The following CAPN13 variants were observed in gnomAD, a reference collection of about 807,000 sequenced individuals.
The protein encoded by CAPN13 is calpain 13, also known as calpain-13.
In CAPN13, 90 loss-of-function variants were observed where a neutral mutation model predicts 98.4. The observed-to-expected ratio is 0.92, with a 90% CI of 0.77 to 1.09. The LOEUF (loss-of-function observed/expected upper bound fraction) is 1.09, where lower values mean the gene tolerates loss of function less well. Among genes scored for constraint, CAPN13 ranks in the 50% least tolerant of loss-of-function variants. The pLI, the probability that CAPN13 is intolerant of heterozygous loss-of-function variation, is 0.00. For synonymous variants in CAPN13, 330 were observed against 305.5 expected (o/e 1.08, Z -0.84); for missense variants, 887 against 841.3 (o/e 1.05, Z -0.67).
In CAPN13 at chr2:30,763,140, T is replaced by C. The variant is rs139514952; in HGVS notation, c.716A>G (p.Gln239Arg). 7.8e-5 allele frequency: 125 copies of C among 1,611,254 alleles called. No homozygotes were observed. In the African/African-American group the frequency reaches 1.2e-3, roughly 16 times the overall value. Residue 239 changes from glutamine to arginine, a missense_variant, in exon 7 of 23, where the codon CAG becomes CGG. Transcript: ENST00000295055. Reference sequence around the variant, plus strand: ...ACTCACCAGCCCATTCTCCATCGCCTGTGCTGTATCTGTTGGCTTCAAGGC... The same window carrying C: ...ACTCACCAGCCCATTCTCCATCGCCCGTGCTGTATCTGTTGGCTTCAAGGC... The part of the protein sequence containing the change: ...ATPSGPTDTA[Q>R]AMENGLVSLH...
chr2:30,796,238 G>A lies in CAPN13; in HGVS notation c.-32-8881C>T, dbSNP rs558130314. Among the ~76,000 whole-genome samples the A allele has an allele frequency of 8.4e-5, 12 of 142,512 alleles. No individual in the cohort carries two copies. In the South Asian group the frequency reaches 2.4e-3, roughly 28 times the overall value. 93.5% of individuals were successfully genotyped at this position (142,512 alleles called of 152,430 possible). A position where few individuals can be genotyped will look rare whatever the true frequency, so the allele number is the denominator to read the frequency against. On this transcript the variant is annotated intron_variant, in intron 1 of 22. Coordinates refer to ENST00000295055, the MANE Select transcript of CAPN13 (RefSeq NM_144575.3). ...CACATATATATGTATATATATATGT[G>A]TGCATATATATATACGTATATATAT...
At position 30,753,234 on chromosome 2, in the gene CAPN13, G is replaced by A. The variant is rs754327363; in HGVS notation, c.942-36C>T. 2.5e-6 allele frequency: 4 copies of A among 1,610,736 alleles called. No individual in the cohort carries two copies. The South Asian group carries it at 3.3e-5, about 13-fold the overall frequency. On this transcript the variant is annotated intron_variant, in intron 9 of 22. Coordinates refer to ENST00000295055, the MANE Select transcript of CAPN13 (RefSeq NM_144575.3). ...CAGATATACATCACTCAGTGACCAGGGGTTGTGTCCCCAGGGTGGGGGTTC... is the reference window on the plus strand; with the variant it reads ...CAGATATACATCACTCAGTGACCAGAGGTTGTGTCCCCAGGGTGGGGGTTC...
At chr2:30,731,507 G>T in intron 20 of CAPN13, 108 bp from the exon 21 acceptor site, 1 of 914,384 alleles carries the variant, frequency 1.1e-6, no homozygotes, top group Non-Finnish European at 1.6e-6. Context: ...ATTCTGTAAA[G>T]CAGCCCCTCC....
rs764710395 is a variant in CAPN13, at chr2:30,775,957, G to C, written c.360C>G (p.His120Gln). ...GGAAACGGAAAATGCCAGCATACTG[G>C]TGTGAAAAGCTTTGGACCATCAGGA... is the stretch of plus-strand genomic sequence containing the variant. ...QKILMVQSFSHQYAGIFRFRF... is the reference protein window; with the variant it reads ...QKILMVQSFSQQYAGIFRFRF... The change falls in exon 4 of 23, where the codon CAC becomes CAG. Residue 120 changes from histidine (H) to glutamine (Q), a missense_variant. By Grantham distance (24) the His-to-Gln change is conservative. Coordinates refer to ENST00000295055, the MANE Select transcript of CAPN13 (RefSeq NM_144575.3). The C allele has an allele frequency of 1.5e-5, 24 of 1,611,434 alleles. No homozygotes were observed. In the South Asian group the frequency reaches 2.7e-4, roughly 18 times the overall value.
At chr2:30,767,896 C>T (rs1024055976) in intron 5 of CAPN13, among the ~76,000 whole-genome samples, 2 of 152,116 alleles carry the variant, frequency 1.3e-5, no homozygotes, top group Non-Finnish European at 2.9e-5. Context: ...TAAAGATGTC[C>T]CCTGGCCAGG....
chr2:30,762,460 G>T (rs1672896534), intron 7 of CAPN13, among the ~76,000 whole-genome samples: 1 of 152,186 alleles, frequency 6.6e-6, no homozygotes, highest in African/African-American at 2.4e-5. Flanking sequence ...TAGACTAATG[G>T]GATGTGAGAG....
At chr2:30,756,428 G>C (rs1672452631) in intron 8 of CAPN13, among the ~76,000 whole-genome samples, 1 of 152,198 alleles carries the variant, frequency 6.6e-6, no homozygotes, top group Non-Finnish European at 1.5e-5. Context: ...GAACATGCCA[G>C]CCCACGGGAA....
rs561219602 is a variant in CAPN13, at chr2:30,752,433, C to T, written c.1087+620G>A. Among the ~76,000 whole-genome samples, 148 of 152,334 alleles carry T rather than the reference C, an allele frequency of 9.7e-4. 1 individual carries two copies. The highest frequency in any genetic ancestry group is 2.5e-3 in the Admixed American group (38 of 15,310). Reference sequence around the variant, plus strand: ...AGGGACAGGGAGGGAATGTGACTTTCCCAAGGCCATGATCAACAAGATTCA... The same window carrying T: ...AGGGACAGGGAGGGAATGTGACTTTTCCAAGGCCATGATCAACAAGATTCA... On this transcript the variant is annotated intron_variant, in intron 10 of 22. Transcript: ENST00000295055.
At chr2:30,786,551 T>C (rs1374685089) in intron 2 of CAPN13, among the ~76,000 whole-genome samples, 3 of 152,162 alleles carry the variant, frequency 2.0e-5, no homozygotes, top group African/African-American at 7.2e-5. Flanking sequence ...GAGGTCTGAA[T>C]GTTGTCCTGC....
intron 18 of CAPN13, 70 bp downstream of exon 18, chr2:30,736,433 G>T: frequency 6.8e-7 from 1 of 1,472,278 alleles, no homozygotes; most frequent in Non-Finnish European, 9.5e-7. Context: ...CTGGTGCAGG[G>T]TTAGACACCC....
chr2:30,730,889 C>T (rs1353508677), intron 21 of CAPN13, 103 bp from the exon 22 acceptor site: 1 of 748,350 alleles, frequency 1.3e-6, no homozygotes, highest in Non-Finnish European at 2.5e-6. Context: ...TCAGTCCAGT[C>T]TCATCACCCC....
chr2:30,787,167 C>T lies in CAPN13; in HGVS notation c.159G>A (p.Gln53=). The change falls in exon 2 of 23, where the codon CAG becomes CAA. Residue 53 remains glutamine (Q), a synonymous_variant. Transcript: ENST00000295055. ...ATATCACATTGGAGAGGCGTTTTTC[C>T]TGGAGCAGCTTCTGGCCTATGGAAG... ...ADSSIGQKLL[Q]EKRLSNVIWK... is the part of the protein sequence containing the mutation. 1 of 1,584,134 alleles carries T rather than the reference C, an allele frequency of 6.3e-7. No individual in the cohort carries two copies. The highest frequency in any genetic ancestry group is 8.6e-7 in the Non-Finnish European group (1 of 1,164,814).
chr2:30,773,277 C>T (rs1039829720), intron 4 of CAPN13, among the ~76,000 whole-genome samples: 3 of 152,132 alleles, frequency 2.0e-5, no homozygotes, highest in Non-Finnish European at 2.9e-5. Flanking sequence ...GAAACGTGAT[C>T]CAAGAATCCT....
intron 9 of CAPN13, 85 bp from the exon 10 acceptor site, chr2:30,753,283 T>C: frequency 1.4e-6 from 2 of 1,412,598 alleles, no homozygotes; most frequent in Non-Finnish European, 2.0e-6. Context: ...GCATAGCCAC[T>C]GTCCTGCCCA....
At chr2:30,766,550 T>A (rs1161071815) in intron 5 of CAPN13, among the ~76,000 whole-genome samples, 1 of 152,118 alleles carries the variant, frequency 6.6e-6, no homozygotes, top group Non-Finnish European at 1.5e-5. Flanking sequence ...TGACAGGAAG[T>A]AGAAAGGAGA....
At chr2:30,796,146 A>G (rs6735449) in intron 1 of CAPN13, among the ~76,000 whole-genome samples, 84,081 of 144,436 alleles carry the variant, frequency 0.58, 24,680 homozygotes, top group Admixed American at 0.65. Context: ...ATATGTGTGT[A>G]TATATATATA....
chr2:30,759,071 CTCCCTCCCTTCCTCT>C, intron 7 of CAPN13, among the ~76,000 whole-genome samples: 2 of 38,016 alleles, frequency 5.3e-5, no homozygotes, highest in Non-Finnish European at 1.1e-4. Context: ...TCCCTCCCTC[CTCCCTCCCTTCCTCT>C]CTGCCTCCCT....
chr2:30,778,751 C>T (rs1673832815), intron 2 of CAPN13, among the ~76,000 whole-genome samples: 1 of 152,142 alleles, frequency 6.6e-6, no homozygotes, highest in African/African-American at 2.4e-5. Context: ...TTTTACCAAA[C>T]TCCTCCCGCT....
chr2:30,743,631 A>G, intron 12 of CAPN13, 52 bp from the exon 13 acceptor site: 1 of 1,535,196 alleles, frequency 6.5e-7, no homozygotes, highest in South Asian at 1.1e-5. Flanking sequence ...CTGTGCATGG[A>G]CCCCAGTCAC....
Sources: gnomAD v4.1 joint callset for allele counts (sites outside exome capture counted in the v4.1 genomes callset) on GRCh38, gnomAD v4.1.1 for gene constraint, MANE v1.5 for transcripts, NCBI Gene and HGNC (gene_info 2026-07-23, HGNC 2026-07-21) for gene names.